Variants in RAB8B observed in about 807,000 individuals in gnomAD.
The protein encoded by RAB8B is ras-related protein Rab-8B.
Under a neutral mutation model 32.0 loss-of-function variants are expected in RAB8B, and 11 were observed. The observed-to-expected ratio is 0.34, with a 90% CI of 0.22 to 0.57. RAB8B has a LOEUF of 0.57. Ranked by LOEUF, RAB8B falls within the 20% of genes least tolerant of loss-of-function variation. The pLI is 0.86. For missense variants in RAB8B, 190 were observed against 258.5 expected (o/e 0.73, Z 1.82); for synonymous variants, 103 against 89.6 (o/e 1.15, Z -0.85).
intron 1 of RAB8B, among the ~76,000 whole-genome samples, chr15:63,200,599 G>A (rs2037639093): frequency 6.6e-6 from 1 of 150,490 alleles, no homozygotes; most frequent in Admixed American, 6.6e-5. Context: ...ACCAGCCTAG[G>A]CAACATAGTG....
intron 1 of RAB8B, among the ~76,000 whole-genome samples, chr15:63,207,947 C>G (rs1460587055): frequency 7.0e-6 from 1 of 143,030 alleles, no homozygotes; most frequent in Non-Finnish European, 1.6e-5. Context: ...CCCTCAATAC[C>G]TCTCTCCTGG....
intron 1 of RAB8B, among the ~76,000 whole-genome samples, chr15:63,191,647 T>G (rs2037556774): frequency 6.6e-6 from 1 of 152,230 alleles, no homozygotes. Context: ...GCAGTACAGA[T>G]GGTAAAGGAT....
In RAB8B at chr15:63,248,922, A is replaced by G. The variant is rs1289480920; in HGVS notation, c.186-723A>G. Among the ~76,000 whole-genome samples the G allele has an allele frequency of 6.6e-6, 1 of 152,218 alleles. No individual in the cohort carries two copies. Among genetic ancestry groups the G allele is most frequent in the African/African-American group, 2.4e-5 (1 of 41,452 alleles). The stretch of plus-strand genomic sequence containing the variant: ...ATTGATTTTCTCAAGTATCAAGGAA[A>G]TTTAACTTCCTTTATAGGATTGCTT... On this transcript the variant is annotated intron_variant, in intron 2 of 7. Coordinates refer to ENST00000321437, the MANE Select transcript of RAB8B (RefSeq NM_016530.3). The surrounding 1 kb of genome is among the most constrained non-coding windows in gnomAD (Gnocchi z 4.4).
intron 1 of RAB8B, among the ~76,000 whole-genome samples, chr15:63,211,681 C>T (rs888611562): frequency 1.3e-5 from 2 of 152,030 alleles, no homozygotes; most frequent in Non-Finnish European, 2.9e-5. Context: ...TGCCAAGCAC[C>T]GCATTTTTCT....
chr15:63,259,745 C>T lies in RAB8B; in HGVS notation c.480+53C>T, dbSNP rs1466530204. On this transcript the variant is annotated intron_variant, in intron 6 of 7. Transcript: ENST00000321437. The surrounding 1 kb of genome is among the most constrained non-coding windows in gnomAD (Gnocchi z 4.4). ...ACGGAGCAGCACCAGTGCTTAGGGGCCTGTGTTCAAACAGCTCTCAGAGCT... is the reference window on the plus strand; with the variant it reads ...ACGGAGCAGCACCAGTGCTTAGGGGTCTGTGTTCAAACAGCTCTCAGAGCT... 2 of 1,484,264 alleles carry T rather than the reference C, an allele frequency of 1.3e-6. No individual in the cohort carries two copies. Among genetic ancestry groups the T allele is most frequent in the African/African-American group, 2.8e-5 (2 of 71,790 alleles). 91.9% of individuals were successfully genotyped at this position (1,484,264 alleles called of 1,614,324 possible). A position where few individuals can be genotyped will look rare whatever the true frequency, so the allele number is the denominator to read the frequency against.
intron 1 of RAB8B, among the ~76,000 whole-genome samples, chr15:63,233,449 C>T (rs1396661593): frequency 6.6e-6 from 1 of 152,158 alleles, no homozygotes; most frequent in African/African-American, 2.4e-5. Flanking sequence ...TTTAAAGCTT[C>T]AGTTTATGAC....
At chr15:63,231,406 A>ATC (rs1378332928) in intron 1 of RAB8B, among the ~76,000 whole-genome samples, 10 of 151,716 alleles carry the variant, frequency 6.6e-5, no homozygotes, top group Non-Finnish European at 1.5e-4. Context: ...TGTAGTTGTA[A>ATC]TTTTTTCCAG....
chr15:63,219,718 A>G (rs539284917), intron 1 of RAB8B, among the ~76,000 whole-genome samples: 1 of 152,182 alleles, frequency 6.6e-6, no homozygotes, highest in Non-Finnish European at 1.5e-5. Context: ...TTTTAGAAAA[A>G]CCAATTCTAT....
chr15:63,247,551 T>G (rs1021248809), intron 2 of RAB8B, among the ~76,000 whole-genome samples: 2 of 152,240 alleles, frequency 1.3e-5, no homozygotes, highest in African/African-American at 4.8e-5. Context: ...GTTCAGTGCC[T>G]TGCATGGAGC....
At position 63,264,460 on chromosome 15, in the gene RAB8B, T is replaced by G. The variant is rs557689948; in HGVS notation, c.*841T>G. The G allele has an allele frequency of 3.5e-4, 53 of 152,360 alleles. No homozygotes were observed. The highest frequency in any genetic ancestry group is 1.2e-3 in the African/African-American group (51 of 41,582). 9.4% of individuals were successfully genotyped at this position (152,360 alleles called of 1,614,324 possible). Reference sequence around the variant, plus strand: ...TCTTGAGCTGAAATTTTACGTGGGCTGAGAGATATACCATTTAGGGTTTTA... The same window carrying G: ...TCTTGAGCTGAAATTTTACGTGGGCGGAGAGATATACCATTTAGGGTTTTA... On this transcript the variant is annotated 3_prime_UTR_variant, in exon 8 of 8. Coordinates refer to ENST00000321437, the MANE Select transcript of RAB8B (RefSeq NM_016530.3).
chr15:63,228,507 T>C (rs1455961544), intron 1 of RAB8B, among the ~76,000 whole-genome samples: 3 of 152,246 alleles, frequency 2.0e-5, no homozygotes, highest in Non-Finnish European at 4.4e-5. Flanking sequence ...TTTCTGCAGA[T>C]GGTCATAAAA....
intron 1 of RAB8B, among the ~76,000 whole-genome samples, chr15:63,207,098 A>G (rs147633250): frequency 6.6e-6 from 1 of 152,330 alleles, no homozygotes; most frequent in East Asian, 1.9e-4. Flanking sequence ...AGTCACTTCC[A>G]AGTGTCTGTT....
At chr15:63,261,033 A>G (rs1334193460) in intron 6 of RAB8B, among the ~76,000 whole-genome samples, 1 of 152,238 alleles carries the variant, frequency 6.6e-6, no homozygotes, top group Non-Finnish European at 1.5e-5. Flanking sequence ...AGCTTAGATA[A>G]GCAGAAAAAT....
intron 1 of RAB8B, among the ~76,000 whole-genome samples, chr15:63,224,146 C>T (rs984130904): frequency 6.6e-6 from 1 of 152,178 alleles, no homozygotes; most frequent in Non-Finnish European, 1.5e-5. Flanking sequence ...TGCCAGCTGG[C>T]CATATTTTAT....
At chr15:63,204,428 T>G (rs1247724826) in intron 1 of RAB8B, among the ~76,000 whole-genome samples, 2 of 152,078 alleles carry the variant, frequency 1.3e-5, no homozygotes, top group African/African-American at 4.8e-5. Context: ...AATTCCTACT[T>G]TGGGTGAAAA....
intron 1 of RAB8B, among the ~76,000 whole-genome samples, chr15:63,197,447 T>C (rs1351507659): frequency 6.7e-6 from 1 of 149,684 alleles, no homozygotes; most frequent in Non-Finnish European, 1.5e-5. Context: ...AATCTCGGCT[T>C]GCTGCAACCT....
chr15:63,229,129 A>G (rs144780210), intron 1 of RAB8B, among the ~76,000 whole-genome samples: 1 of 152,322 alleles, frequency 6.6e-6, no homozygotes, highest in African/African-American at 2.4e-5. Flanking sequence ...ATAGCTTCAA[A>G]ATATTCCTTC....
intron 1 of RAB8B, among the ~76,000 whole-genome samples, chr15:63,235,498 A>T (rs1010755950): frequency 1.3e-5 from 2 of 152,110 alleles, no homozygotes; most frequent in Non-Finnish European, 2.9e-5. Context: ...TCTCATGTCC[A>T]TGTACCCACC....
chr15:63,251,729 T>C (rs985526104), intron 3 of RAB8B, among the ~76,000 whole-genome samples: 1 of 152,154 alleles, frequency 6.6e-6, no homozygotes, highest in African/African-American at 2.4e-5. Context: ...TAGTAGAGGC[T>C]CAATAAATGC....
Sources: allele counts gnomAD v4.1 joint callset (sites outside exome capture counted in the v4.1 genomes callset), GRCh38; gene constraint gnomAD v4.1.1; non-coding constraint Gnocchi (gnomAD v3.1); transcripts MANE v1.5; gene names NCBI Gene and HGNC (gene_info 2026-07-23, HGNC 2026-07-21).